TRAF2: variants seen among roughly 807,000 people sequenced by gnomAD.
TRAF2 encodes the protein TNF receptor associated factor 2.
A neutral mutation model predicts 55.6 loss-of-function variants in TRAF2; 6 were observed. The ratio of observed to expected loss-of-function variants is 0.11; its 90% CI spans 0.06 to 0.21. The LOEUF is 0.21. Among genes scored for constraint, TRAF2 ranks in the 10% least tolerant of loss-of-function variants. The pLI, the probability that TRAF2 is intolerant of heterozygous loss-of-function variation, is 1.00. For synonymous variants in TRAF2, 329 were observed against 276.3 expected (o/e 1.19, Z -1.89); for missense variants, 561 against 684.5 (o/e 0.82, Z 2.01).
At chr9:136,904,759 G>A (rs954008953) in intron 4 of TRAF2, among the ~76,000 whole-genome samples, 1 of 31,832 alleles carries the variant, frequency 3.1e-5, no homozygotes, top group African/African-American at 2.0e-4. Context: ...TTGTGCTTTC[G>A]TTTTTAGGTT....
intron 4 of TRAF2, among the ~76,000 whole-genome samples, chr9:136,906,312 G>A (rs1470416452): frequency 6.6e-6 from 1 of 152,238 alleles, no homozygotes; most frequent in South Asian, 2.1e-4. Context: ...GACTTGGGTA[G>A]TTTATAAAGA....
intron 7 of TRAF2, among the ~76,000 whole-genome samples, chr9:136,917,577 C>T (rs1850272282): frequency 6.6e-6 from 1 of 152,232 alleles, no homozygotes; most frequent in Admixed American, 6.5e-5. Flanking sequence ...TGGAGAGGGG[C>T]AGGCCGTGGG....
At chr9:136,915,179 C>G (rs933970897) in intron 6 of TRAF2, among the ~76,000 whole-genome samples, 2 of 151,632 alleles carry the variant, frequency 1.3e-5, no homozygotes, top group Non-Finnish European at 2.9e-5. Context: ...AACTCCGTCT[C>G]AAAAAAAAGT....
chr9:136,890,853 T>C (rs566651609), intron 1 of TRAF2, among the ~76,000 whole-genome samples: 1 of 152,296 alleles, frequency 6.6e-6, no homozygotes, highest in African/African-American at 2.4e-5. Context: ...CTTCCAGCCG[T>C]GTCAGGATGT....
Position 136,926,169 on chromosome 9 carries a change from C to T in TRAF2, c.*268C>T, listed in dbSNP as rs777987365. ...TGGCCGAGGGTCTTCGGGTGCTTCC[C>T]AGCACAAGCTGCCCTTGCTGTCCTG... On this transcript the variant is annotated 3_prime_UTR_variant, in exon 11 of 11. Transcript: ENST00000247668. 21 of 625,840 alleles carry T rather than the reference C, an allele frequency of 3.4e-5. No individual in the cohort carries two copies. The highest frequency in any genetic ancestry group is 5.9e-5 in the Non-Finnish European group (20 of 337,702). The allele number at this position is 625,840 out of a possible 1,614,324, so 38.8% of individuals were successfully genotyped here.
chr9:136,911,724 T>C (rs930982114), intron 6 of TRAF2, among the ~76,000 whole-genome samples: 3 of 152,156 alleles, frequency 2.0e-5, no homozygotes, highest in African/African-American at 7.2e-5. Flanking sequence ...ATATAGGGGC[T>C]GCATGTATGT....
At chr9:136,904,102 G>A (rs1849889654) in intron 4 of TRAF2, among the ~76,000 whole-genome samples, 1 of 152,060 alleles carries the variant, frequency 6.6e-6, no homozygotes, top group Non-Finnish European at 1.5e-5. Context: ...GCCAGCCTTC[G>A]CCAGCCTACT....
chr9:136,923,976 G>A lies in TRAF2; in HGVS notation c.1263G>A (p.Leu421=). 6.2e-7 allele frequency: 1 copy of A among 1,613,634 alleles called. No homozygotes were observed. Among genetic ancestry groups the A allele is most frequent in the Admixed American group, 1.7e-5 (1 of 60,024 alleles). The change falls in exon 10 of 11, where the codon CTG becomes CTA. Residue 421 remains leucine (L), a synonymous_variant. Transcript: ENST00000247668. ...TGATGAAGGGCCCGAATGACGCCCTGCTGCGGTGGCCCTTCAACCAGAAGG... is the reference window on the plus strand; with the variant it reads ...TGATGAAGGGCCCGAATGACGCCCTACTGCGGTGGCCCTTCAACCAGAAGG... ...FVVMKGPNDA[L]LRWPFNQKVT...
intron 1 of TRAF2, among the ~76,000 whole-genome samples, chr9:136,891,444 A>G (rs1849578320): frequency 6.7e-6 from 1 of 150,308 alleles, no homozygotes; most frequent in Non-Finnish European, 1.5e-5. Context: ...GGGTTTCATC[A>G]TGTTCCCCAG....
intron 2 of TRAF2, 31 bp downstream of exon 2, chr9:136,898,959 G>T (rs866187901): frequency 2.6e-6 from 4 of 1,567,502 alleles, no homozygotes; most frequent in African/African-American, 2.7e-5. Flanking sequence ...GGGAGGAGGG[G>T]CAGGCAGGCT....
intron 7 of TRAF2, among the ~76,000 whole-genome samples, chr9:136,919,354 A>G (rs1850327170): frequency 7.1e-6 from 1 of 141,108 alleles, no homozygotes; most frequent in Non-Finnish European, 1.5e-5. Context: ...ACTAGAGTAC[A>G]GTGGCGCGAT....
chr9:136,907,202 C>T (rs1196477965), intron 4 of TRAF2, among the ~76,000 whole-genome samples: 4 of 152,266 alleles, frequency 2.6e-5, no homozygotes, highest in South Asian at 2.1e-4. Context: ...TCCTCTGCCT[C>T]GCCTGACGCT....
At position 136,920,295 on chromosome 9, in the gene TRAF2, T is replaced by C; in HGVS notation, c.740T>C (p.Leu247Pro). 1 of 1,613,840 alleles carries C rather than the reference T, an allele frequency of 6.2e-7. No individual in the cohort carries two copies. Among genetic ancestry groups the C allele is most frequent in the Non-Finnish European group, 8.5e-7 (1 of 1,180,036 alleles). The change falls in exon 8 of 11, where the codon CTA (leucine) becomes CCA (proline). Residue 247 changes from leucine to proline, a missense_variant. Leu to Pro is a moderately conservative substitution (Grantham distance 98). This residue lies in a region of TRAF2 where 426 missense variants were observed against 476.8 expected (regional missense o/e 0.89). Transcript: ENST00000247668. ...VQWLREHLAMLLSSVLEAKPL... is the reference protein window; with the variant it reads ...VQWLREHLAMPLSSVLEAKPL... ...TGGCTGCGGGAGCACCTGGCCATGCTACTGAGCTCGGTGCTGGAGGCAAAG... is the reference window on the plus strand; with the variant it reads ...TGGCTGCGGGAGCACCTGGCCATGCCACTGAGCTCGGTGCTGGAGGCAAAG...
intron 7 of TRAF2, among the ~76,000 whole-genome samples, chr9:136,919,813 T>C (rs1448392032): frequency 6.6e-6 from 1 of 151,920 alleles, no homozygotes; most frequent in Non-Finnish European, 1.5e-5. Context: ...CCTCCTGGGC[T>C]CAAGTGATCC....
chr9:136,916,040 C>T (rs546392814), intron 6 of TRAF2, among the ~76,000 whole-genome samples: 72 of 152,302 alleles, frequency 4.7e-4, no homozygotes, highest in African/African-American at 1.7e-3. Context: ...ATGTCAGATA[C>T]CACAGTGTTA....
chr9:136,896,115 C>T (rs1303801666), intron 1 of TRAF2, among the ~76,000 whole-genome samples: 1 of 152,146 alleles, frequency 6.6e-6, no homozygotes, highest in Non-Finnish European at 1.5e-5. Context: ...ACTGGAAGTC[C>T]CTCTCTAGCT....
At chr9:136,896,161 C>T (rs961624556) in intron 1 of TRAF2, among the ~76,000 whole-genome samples, 1 of 152,194 alleles carries the variant, frequency 6.6e-6, no homozygotes, top group South Asian at 2.1e-4. Flanking sequence ...GCTTCCCTGC[C>T]AGAGAGATGA....
Position 136,921,126 on chromosome 9 carries a change from A to G in TRAF2, c.1049A>G (p.Tyr350Cys). 5 of 1,614,118 alleles carry G rather than the reference A, an allele frequency of 3.1e-6. No homozygotes were observed. Among genetic ancestry groups the G allele is most frequent in the Non-Finnish European group, 4.2e-6 (5 of 1,180,028 alleles). The change falls in exon 9 of 11, where the codon TAC becomes TGC. Residue 350 changes from tyrosine (Y) to cysteine (C), a missense_variant. Physicochemically the swap from Tyr to Cys is radical, Grantham distance 194. Around this residue, in one of 2 missense-constraint regions of TRAF2, gnomAD observed 426 missense variants for 476.8 expected, o/e 0.89. Transcript: ENST00000247668. ...GTCTTGGAGATGGAGGCATCCACCT[A>G]CGATGGGGTCTTCATCTGGAAGATC... ...QKVLEMEAST[Y>C]DGVFIWKISD...
At chr9:136,904,369 C>T (rs956398779) in intron 4 of TRAF2, among the ~76,000 whole-genome samples, 5 of 152,004 alleles carry the variant, frequency 3.3e-5, no homozygotes, top group African/African-American at 1.2e-4. Flanking sequence ...TGTGCCCGGC[C>T]ATTTTACTAT....
Sources: gnomAD v4.1 joint callset for allele counts (sites outside exome capture counted in the v4.1 genomes callset) on GRCh38, gnomAD v4.1.1 for gene constraint, gnomAD v4.1.1 regional missense constraint, MANE v1.5 for transcripts, NCBI Gene and HGNC (gene_info 2026-07-23, HGNC 2026-07-21) for gene names.